The following GABRA6 variants were observed in gnomAD, a reference collection of about 807,000 sequenced individuals.
The protein encoded by GABRA6 is gamma-aminobutyric acid type A receptor subunit alpha6, also known as gamma-aminobutyric acid receptor subunit alpha-6.
In GABRA6, 45 loss-of-function variants were observed where a neutral mutation model predicts 47.3. The observed-to-expected ratio is 0.95, with a 90% confidence interval of 0.75 to 1.22. GABRA6 has a LOEUF of 1.22. Among genes scored for constraint, GABRA6 ranks in the 50% most tolerant of loss-of-function variants. The probability of loss-of-function intolerance (pLI) is 0.00; values close to 1 mark genes in which losing one functional copy is unlikely to be tolerated. For synonymous variants in GABRA6, 219 were observed against 194.7 expected (o/e 1.12, Z -1.04); for missense variants, 583 against 549.3 (o/e 1.06, Z -0.61).
intron 2 of GABRA6, 102 bp downstream of exon 2, chr5:161,686,450 G>A (rs757963135): frequency 2.2e-5 from 19 of 879,232 alleles, no homozygotes; most frequent in Non-Finnish European, 2.3e-5. Context: ...GTGGGAAGGG[G>A]CAGGGTACGG....
chr5:161,699,200 A>G (rs1754935854), intron 8 of GABRA6, among the ~76,000 whole-genome samples: 1 of 152,210 alleles, frequency 6.6e-6, no homozygotes, highest in African/African-American at 2.4e-5. Flanking sequence ...CAGATAATGC[A>G]TGCTGTTAAA....
intron 6 of GABRA6, 138 bp downstream of exon 6, chr5:161,689,917 T>A: frequency 1.1e-6 from 1 of 935,518 alleles, no homozygotes; most frequent in Non-Finnish European, 1.6e-6. Context: ...TAGCTTTCCT[T>A]AAAACTGATT....
intron 8 of GABRA6, among the ~76,000 whole-genome samples, chr5:161,695,122 T>C (rs1452239150): frequency 6.6e-6 from 1 of 152,168 alleles, no homozygotes; most frequent in Non-Finnish European, 1.5e-5. Context: ...GATTCTATGT[T>C]GTATATTTTA....
intron 7 of GABRA6, among the ~76,000 whole-genome samples, chr5:161,691,037 C>T (rs1754779095): frequency 1.3e-5 from 2 of 151,792 alleles, no homozygotes; most frequent in South Asian, 2.1e-4. Flanking sequence ...ATGATGTTGA[C>T]CATCAATATT....
At chr5:161,693,405 A>C (rs13171954) in intron 8 of GABRA6, among the ~76,000 whole-genome samples, 72,634 of 151,898 alleles carry the variant, frequency 0.48, 18,100 homozygotes, top group Non-Finnish European at 0.57. Context: ...AAAAAGAAAA[A>C]AATGCCATTC....
intron 7 of GABRA6, among the ~76,000 whole-genome samples, chr5:161,691,718 T>A (rs969042846): frequency 1.3e-4 from 20 of 152,152 alleles, no homozygotes; most frequent in Non-Finnish European, 2.5e-4. Flanking sequence ...AAACTCAAAA[T>A]TTTTTGAGCA....
intron 6 of GABRA6, 104 bp downstream of exon 6, chr5:161,689,883 A>T (rs1199857800): frequency 1.4e-5 from 18 of 1,279,066 alleles, no homozygotes; most frequent in Non-Finnish European, 1.9e-5. Flanking sequence ...TTCTCAGCTA[A>T]GCATGCTGTT....
Position 161,692,260 on chromosome 5 carries a change from C to A in GABRA6, c.1086+60C>A. The A allele has an allele frequency of 1.9e-6, 3 of 1,602,714 alleles. No homozygotes were observed. In the South Asian group the frequency reaches 3.3e-5, roughly 18 times the overall value. ...AGGAAAAAGCAGCCTAAATAGTGAT[C>A]AGAAACAACGAAAGTGTCCAAAAGT... On this transcript the variant is annotated intron_variant, in intron 8 of 8. Coordinates refer to ENST00000274545, the MANE Select transcript of GABRA6 (RefSeq NM_000811.3).
Position 161,686,209 on chromosome 5 carries a change from T to G in GABRA6, c.39-21T>G, listed in dbSNP as rs1175335866. On this transcript the variant is annotated intron_variant, in intron 1 of 8. Coordinates refer to ENST00000274545, the MANE Select transcript of GABRA6 (RefSeq NM_000811.3). ...TCTTCTCTGAGCCTGGGAGTAAGGA[T>G]CATTGACTGTCTACACACAGGCTAG... The G allele has an allele frequency of 4.5e-6, 7 of 1,558,782 alleles. No homozygotes were observed. In the African/African-American group the frequency reaches 9.5e-5, roughly 21 times the overall value.
intron 3 of GABRA6, 98 bp downstream of exon 3, chr5:161,687,101 A>G: frequency 3.2e-6 from 3 of 947,076 alleles, no homozygotes; most frequent in Non-Finnish European, 5.2e-6. Context: ...GCTTGGCTCC[A>G]GATTCATGAC....
intron 1 of GABRA6, 48 bp downstream of exon 1, chr5:161,686,075 G>A: frequency 6.4e-7 from 1 of 1,567,512 alleles, no homozygotes; most frequent in Non-Finnish European, 8.8e-7. Context: ...TCAGAGGAAA[G>A]GAAAAGTATA....
chr5:161,691,358 G>A (rs866303624), intron 7 of GABRA6, among the ~76,000 whole-genome samples: 1 of 146,472 alleles, frequency 6.8e-6, no homozygotes, highest in Non-Finnish European at 1.5e-5. Flanking sequence ...TGCAGTGGCG[G>A]GATCTCGGCT....
intron 8 of GABRA6, among the ~76,000 whole-genome samples, chr5:161,692,880 A>T (rs917221545): frequency 2.6e-5 from 4 of 152,256 alleles, no homozygotes; most frequent in African/African-American, 9.6e-5. Flanking sequence ...TGGTAACATT[A>T]ATATTTCAAG....
At position 161,689,015 on chromosome 5, in the gene GABRA6, A is replaced by G. The variant is rs760993216; in HGVS notation, c.292A>G (p.Thr98Ala). The G allele has an allele frequency of 2.5e-6, 4 of 1,614,058 alleles. No individual in the cohort carries two copies. The highest frequency in any genetic ancestry group is 1.3e-5 in the African/African-American group (1 of 75,028). Residue 98 changes from threonine (T) to alanine (A), a missense_variant, in exon 4 of 9, where the codon ACT becomes GCT. By Grantham distance (58) the Thr-to-Ala change is moderately conservative. Transcript: ENST00000274545. ...TDERLKFGGPTEILSLNNLMV... is the reference protein window; with the variant it reads ...TDERLKFGGPAEILSLNNLMV... ...TGAGAGGTTGAAGTTTGGGGGGCCAACTGAGATTCTGAGTCTGAATAATTT... is the reference window on the plus strand; with the variant it reads ...TGAGAGGTTGAAGTTTGGGGGGCCAGCTGAGATTCTGAGTCTGAATAATTT...
At chr5:161,689,936 A>G (rs3811992) in intron 6 of GABRA6, 157 bp downstream of exon 6, 395,852 of 764,236 alleles carry the variant, frequency 0.52, 105,692 homozygotes, top group Non-Finnish European at 0.57. Context: ...TTTTGCAACC[A>G]GGTGCATATA....
intron 3 of GABRA6, chr5:161,687,573 T>C (rs1754723789): frequency 2.2e-6 from 1 of 454,480 alleles, no homozygotes; most frequent in African/African-American, 2.0e-5. Flanking sequence ...TAAGTAGCAA[T>C]GAAAACTTGA....
intron 7 of GABRA6, among the ~76,000 whole-genome samples, chr5:161,690,616 T>A (rs564016951): frequency 6.6e-6 from 1 of 152,174 alleles, no homozygotes; most frequent in Non-Finnish European, 1.5e-5. Flanking sequence ...TTTATCTTGA[T>A]TTTCTTTGTC....
At position 161,685,962 on chromosome 5, in the gene GABRA6, T is replaced by C. The variant is rs771697716; in HGVS notation, c.-28T>C. 7.5e-6 allele frequency: 12 copies of C among 1,610,254 alleles called. No homozygotes were observed. The Admixed American group carries it at 2.0e-4, about 27-fold the overall frequency. On this transcript the variant is annotated 5_prime_UTR_variant, in exon 1 of 9. Coordinates refer to ENST00000274545, the MANE Select transcript of GABRA6 (RefSeq NM_000811.3). ...AGCAGGGAGGACGACCCTAGGAGGG[T>C]GAATTCTGCATTTCAGTGCACTGCA...
chr5:161,691,331 T>A (rs1255727123), intron 7 of GABRA6, among the ~76,000 whole-genome samples: 1 of 137,930 alleles, frequency 7.3e-6, no homozygotes, highest in African/African-American at 2.6e-5. Context: ...AGTGTCCGTC[T>A]GTCGCACAGG....
Sources: allele counts gnomAD v4.1 joint callset (sites outside exome capture counted in the v4.1 genomes callset), GRCh38; gene constraint gnomAD v4.1.1; transcripts MANE v1.5; gene names NCBI Gene and HGNC (gene_info 2026-07-23, HGNC 2026-07-21).